TYR: variants seen among roughly 807,000 people sequenced by gnomAD.
TYR encodes tyrosinase, also known as LB24-AB.
A neutral mutation model predicts 51.5 loss-of-function variants in TYR; 58 were observed. The ratio of observed to expected loss-of-function variants is 1.13; its 90% CI spans 0.91 to 1.40. The LOEUF is 1.40. TYR is among the 40% of genes most tolerant of loss of function. The pLI is 0.00. For synonymous variants in TYR, 263 were observed against 235.2 expected (o/e 1.12, Z -1.08); for missense variants, 732 against 647.4 (o/e 1.13, Z -1.42).
chr11:89,284,623 T>C, intron 3 of TYR, 150 bp from the exon 4 acceptor site: 1 of 710,558 alleles, frequency 1.4e-6, no homozygotes, highest in Non-Finnish European at 2.4e-6. Context: ...AACTAATACT[T>C]TACGAAATAT....
intron 2 of TYR, among the ~76,000 whole-genome samples, chr11:89,219,400 G>A (rs1027082920): frequency 1.3e-5 from 2 of 150,790 alleles, no homozygotes; most frequent in South Asian, 2.1e-4. Context: ...AGGTTCAAAC[G>A]ATTCTCCTGC....
intron 4 of TYR, among the ~76,000 whole-genome samples, chr11:89,286,085 C>T (rs1944783046): frequency 6.6e-6 from 1 of 151,806 alleles, no homozygotes; most frequent in African/African-American, 2.4e-5. Flanking sequence ...AAGTAAAAAA[C>T]ATCAGGCTGT....
At chr11:89,236,235 T>TACAC (rs35744603) in intron 3 of TYR, among the ~76,000 whole-genome samples, 33,519 of 148,800 alleles carry the variant, frequency 0.23, 3,871 homozygotes, top group Non-Finnish European at 0.27. Flanking sequence ...CACACACACA[T>TACAC]ACACACACAC....
intron 3 of TYR, among the ~76,000 whole-genome samples, chr11:89,240,280 A>G (rs1944174673): frequency 6.6e-6 from 1 of 152,192 alleles, no homozygotes; most frequent in Admixed American, 6.6e-5. Flanking sequence ...AAATAAAAAT[A>G]AAACATAAAG....
chr11:89,253,545 G>A (rs960482532), intron 3 of TYR, among the ~76,000 whole-genome samples: 1 of 151,658 alleles, frequency 6.6e-6, no homozygotes, highest in African/African-American at 2.4e-5. Flanking sequence ...TCGTTGGTTA[G>A]GTATATTTCT....
intron 4 of TYR, among the ~76,000 whole-genome samples, chr11:89,292,251 A>G (rs1297526664): frequency 1.3e-5 from 2 of 152,040 alleles, no homozygotes; most frequent in Non-Finnish European, 2.9e-5. Flanking sequence ...ACATTCAGTC[A>G]TTCAGTAAAC....
At chr11:89,252,816 A>C (rs1375059656) in intron 3 of TYR, among the ~76,000 whole-genome samples, 1 of 151,762 alleles carries the variant, frequency 6.6e-6, no homozygotes, top group African/African-American at 2.4e-5. Context: ...AAGGAGTTTC[A>C]TGCTTCAACA....
intron 2 of TYR, among the ~76,000 whole-genome samples, chr11:89,210,779 C>T (rs1463940254): frequency 3.9e-5 from 6 of 152,212 alleles, no homozygotes; most frequent in African/African-American, 1.4e-4. Context: ...TCAGCAGAAA[C>T]CCTATAAGCC....
chr11:89,288,676 G>A (rs1441943646), intron 4 of TYR, among the ~76,000 whole-genome samples: 3 of 152,054 alleles, frequency 2.0e-5, no homozygotes, highest in Non-Finnish European at 2.9e-5. Context: ...GGCTGAGGCA[G>A]GAGGTTCTCT....
At chr11:89,195,435 T>A (rs1446792416) in intron 2 of TYR, among the ~76,000 whole-genome samples, 1 of 152,072 alleles carries the variant, frequency 6.6e-6, no homozygotes, top group Non-Finnish European at 1.5e-5. Context: ...ACCCAGCAAT[T>A]TGGAAGTCCA....
At chr11:89,272,276 A>G (rs183932158) in intron 3 of TYR, among the ~76,000 whole-genome samples, 1 of 151,976 alleles carries the variant, frequency 6.6e-6, no homozygotes, top group Non-Finnish European at 1.5e-5. Flanking sequence ...TCCTTAATCC[A>G]TGGGCTGCTG....
rs140494827 is a variant in TYR at position 89,295,200 on chromosome 11, G to T, written c.1424G>T (p.Trp475Leu). 81 of 1,614,002 alleles carry T rather than the reference G, an allele frequency of 5.0e-5. No homozygotes were observed. The African/African-American group carries it at 9.9e-4, about 20-fold the overall frequency. ...TATTTGGAACAAGCGAGTCGGATCT[G>T]GTCATGGCTCCTTGGGGCGGCGATG... ...KSYLEQASRI[W>L]SWLLGAAMVG... The change falls in exon 5 of 5, where the codon TGG (tryptophan) becomes TTG (leucine). Residue 475 changes from tryptophan (W) to leucine (L), a missense_variant. Coordinates refer to ENST00000263321, the MANE Select transcript of TYR (RefSeq NM_000372.5).
chr11:89,294,924 C>T (rs1944889556), intron 4 of TYR, among the ~76,000 whole-genome samples: 1 of 152,098 alleles, frequency 6.6e-6, no homozygotes. Flanking sequence ...AAAATTCAAA[C>T]GTTCCAACAA....
chr11:89,258,633 T>C (rs546222096), intron 3 of TYR, among the ~76,000 whole-genome samples: 4 of 152,222 alleles, frequency 2.6e-5, no homozygotes, highest in Non-Finnish European at 4.4e-5. Flanking sequence ...GAAACAGATA[T>C]GATAAGTGGA....
intron 2 of TYR, among the ~76,000 whole-genome samples, chr11:89,192,261 T>C (rs1334362349): frequency 1.3e-5 from 2 of 152,134 alleles, no homozygotes; most frequent in East Asian, 3.9e-4. Flanking sequence ...TTCACTCACA[T>C]AAATTTGCAT....
At chr11:89,259,950 C>A (rs1944437525) in intron 3 of TYR, among the ~76,000 whole-genome samples, 1 of 151,926 alleles carries the variant, frequency 6.6e-6, no homozygotes, top group Admixed American at 6.6e-5. Flanking sequence ...TTCTTAAGAA[C>A]ATTGTTTTAA....
chr11:89,242,043 T>C (rs150379001), intron 3 of TYR, among the ~76,000 whole-genome samples: 7 of 152,190 alleles, frequency 4.6e-5, no homozygotes, highest in South Asian at 2.1e-4. Flanking sequence ...GATTATATCA[T>C]AAATATTTTG....
At chr11:89,290,419 T>G (rs1256228551) in intron 4 of TYR, among the ~76,000 whole-genome samples, 1 of 152,076 alleles carries the variant, frequency 6.6e-6, no homozygotes, top group Non-Finnish European at 1.5e-5. Flanking sequence ...GTGAAAGCAC[T>G]TCAGCCAAGC....
At chr11:89,272,676 C>T (rs1819503619) in intron 3 of TYR, among the ~76,000 whole-genome samples, 2 of 151,890 alleles carry the variant, frequency 1.3e-5, no homozygotes, top group South Asian at 4.1e-4. Context: ...CTAAGAAAGT[C>T]CTAGATGGCA....
Sources: allele counts gnomAD v4.1 joint callset (sites outside exome capture counted in the v4.1 genomes callset), GRCh38; gene constraint gnomAD v4.1.1; transcripts MANE v1.5; gene names NCBI Gene and HGNC (gene_info 2026-07-23, HGNC 2026-07-21).